BRIP1: variants seen among roughly 807,000 people sequenced by gnomAD.
BRIP1 encodes Fanconi anemia group J protein.
A neutral mutation model predicts 119.7 loss-of-function variants in BRIP1; 88 were observed. That is an observed-to-expected ratio of 0.74 (90% CI 0.62 to 0.88). The LOEUF is 0.88. Ranked by LOEUF, BRIP1 falls within the 40% of genes least tolerant of loss-of-function variation. The pLI is 0.00. For missense variants in BRIP1, 1,259 were observed against 1,455.4 expected, an observed-to-expected ratio of 0.87 and a Z score of 2.20; for synonymous variants, 443 against 496.5, an observed-to-expected ratio of 0.89 and a Z score of 1.43.
chr17:61,723,102 A>C (rs1268678505), intron 16 of BRIP1, among the ~76,000 whole-genome samples: 1 of 152,250 alleles, frequency 6.6e-6, no homozygotes, highest in Non-Finnish European at 1.5e-5. Context: ...AGGGTTAAGA[A>C]AAGGTGGAAA....
At chr17:61,721,437 T>C (rs1050806452) in intron 16 of BRIP1, among the ~76,000 whole-genome samples, 4 of 151,554 alleles carry the variant, frequency 2.6e-5, no homozygotes, top group African/African-American at 9.7e-5. Context: ...GCCCAGCTAA[T>C]TTTTTGTATT....
chr17:61,817,541 A>G (rs527660800), intron 6 of BRIP1, among the ~76,000 whole-genome samples: 2 of 152,364 alleles, frequency 1.3e-5, no homozygotes, highest in African/African-American at 4.8e-5. Flanking sequence ...GGTTATTATT[A>G]CATACAAGTC....
At position 61,846,731 on chromosome 17, in the gene BRIP1, A is replaced by G. The variant is rs1369584281; in HGVS notation, c.627+370T>C. 6.6e-6 allele frequency among the ~76,000 whole-genome samples: 1 copy of G among 152,132 alleles called. No individual in the cohort carries two copies. Among genetic ancestry groups the G allele is most frequent in the Non-Finnish European group, 1.5e-5 (1 of 68,024 alleles). ...TACAAAAATAATTTTCACCTCACAG[A>G]TCACTCCCCAAAAAAATCTCAATAT... On this transcript the variant is annotated intron_variant, in intron 6 of 19. Coordinates refer to ENST00000259008, the MANE Select transcript of BRIP1 (RefSeq NM_032043.3). This position sits in a 1 kb window ranked among gnomAD's most constrained non-coding sequence, Gnocchi z 4.3.
rs77948826 is a variant in BRIP1, at chr17:61,776,770, G to C, written c.1936-208C>G. On this transcript the variant is annotated intron_variant, in intron 13 of 19. Coordinates refer to ENST00000259008, the MANE Select transcript of BRIP1 (RefSeq NM_032043.3). The surrounding 1 kb of genome is among the most constrained non-coding windows in gnomAD (Gnocchi z 5.0). The stretch of plus-strand genomic sequence containing the variant: ...TTAGGCAGATCACTAAATTCTCTTA[G>C]AGTGAAAATTCTTTGAAAGCAAAAC... Among the ~76,000 whole-genome samples, 193 of 152,268 alleles carry C rather than the reference G, an allele frequency of 1.3e-3. No homozygotes were observed. The highest frequency in any genetic ancestry group is 2.4e-3 in the Non-Finnish European group (161 of 68,010).
chr17:61,829,380 A>C (rs1430733706), intron 6 of BRIP1, among the ~76,000 whole-genome samples: 1 of 152,114 alleles, frequency 6.6e-6, no homozygotes, highest in Non-Finnish European at 1.5e-5. Context: ...ATAATCTTAA[A>C]TGTGTATACA....
intron 6 of BRIP1, among the ~76,000 whole-genome samples, chr17:61,813,522 T>G (rs796482084): frequency 6.6e-6 from 1 of 152,078 alleles, no homozygotes; most frequent in African/African-American, 2.4e-5. Context: ...ATGTCCTAAT[T>G]TGAAGTGCTG....
rs549626552 is a variant in BRIP1, at chr17:61,860,488, C to T, written c.94-581G>A. ...CAGCCTGGCCAACACGGTGAAAACC[C>T]GTCTCTACTAAAAATCCAAAAATTA... On this transcript the variant is annotated intron_variant, in intron 2 of 19. Transcript: ENST00000259008. The surrounding 1 kb of genome is among the most constrained non-coding windows in gnomAD (Gnocchi z 4.1). Among the ~76,000 whole-genome samples the T allele has an allele frequency of 8.5e-5, 13 of 152,138 alleles. No individual in the cohort carries two copies. The highest frequency in any genetic ancestry group is 5.9e-4 in the Admixed American group (9 of 15,272).
At position 61,705,179 on chromosome 17, in the gene BRIP1, G is replaced by A. The variant is rs1018518505; in HGVS notation, c.2492+10772C>T. Among the ~76,000 whole-genome samples the A allele has an allele frequency of 1.7e-4, 26 of 151,998 alleles. No homozygotes were observed. The highest frequency in any genetic ancestry group is 5.8e-4 in the African/African-American group (24 of 41,404). On this transcript the variant is annotated intron_variant, in intron 17 of 19. Transcript: ENST00000259008. The surrounding 1 kb of genome is among the most constrained non-coding windows in gnomAD (Gnocchi z 5.0). ...ATTGTTTATCTCCCATTTATAAGTG[G>A]GAACATATGGTATTTGGTTTTCTGT...
Position 61,776,991 on chromosome 17 carries a change from T to C in BRIP1, c.1936-429A>G, listed in dbSNP as rs869312538. On this transcript the variant is annotated intron_variant, in intron 13 of 19. Transcript: ENST00000259008. This position sits in a 1 kb window ranked among gnomAD's most constrained non-coding sequence, Gnocchi z 5.0. ...CTCAAAAATGACAGGAACTACTCTTTCAAAAATTCATTGGTGCTCAAAGAT... is the reference window on the plus strand; with the variant it reads ...CTCAAAAATGACAGGAACTACTCTTCCAAAAATTCATTGGTGCTCAAAGAT... 3.9e-5 allele frequency among the ~76,000 whole-genome samples: 6 copies of C among 152,202 alleles called. No homozygotes were observed. The highest frequency in any genetic ancestry group is 4.1e-4 in the South Asian group (2 of 4,828).
At position 61,849,152 on chromosome 17, in the gene BRIP1, G is replaced by A. The variant is rs747604569; in HGVS notation, c.484C>T (p.Arg162Ter). The change falls in exon 5 of 20, where the codon CGA becomes TGA. Residue 162 changes from arginine to a stop codon, truncating the protein, a stop_gained. Transcript: ENST00000259008. LOFTEE classifies it high-confidence loss of function. ...ACCTGCTGTGTAGTTTCTAAGGGTC[G>A]AATTCTTTTCTTCTCTACTTGAAAA... ...DDFQVEKKRI[R>*]PLETTQQIRK... The A allele has an allele frequency of 1.1e-5, 17 of 1,613,260 alleles. No homozygotes were observed. The highest frequency in any genetic ancestry group is 1.6e-4 in the Middle Eastern group (1 of 6,078).
chr17:61,839,290 T>C (rs1022305372), intron 6 of BRIP1, among the ~76,000 whole-genome samples: 28 of 151,974 alleles, frequency 1.8e-4, no homozygotes, highest in Admixed American at 1.5e-3. Context: ...ACTAAAACTA[T>C]ACATTTTATA....
chr17:61,747,785 G>C (rs1343682821), intron 14 of BRIP1, among the ~76,000 whole-genome samples: 1 of 151,918 alleles, frequency 6.6e-6, no homozygotes, highest in Non-Finnish European at 1.5e-5. Context: ...ACCCAGGCTG[G>C]AGTGTAGTAA....
rs1426540585 is a variant in BRIP1 at position 61,807,458 on chromosome 17, T to C, written c.918+1009A>G. On this transcript the variant is annotated intron_variant, in intron 7 of 19. Coordinates refer to ENST00000259008, the MANE Select transcript of BRIP1 (RefSeq NM_032043.3). This position sits in a 1 kb window ranked among gnomAD's most constrained non-coding sequence, Gnocchi z 4.5. ...ACTACTTATACTTTATAATCTCGTTTGAATATCTGTTAAAGTATCTTTTGA... is the reference window on the plus strand; with the variant it reads ...ACTACTTATACTTTATAATCTCGTTCGAATATCTGTTAAAGTATCTTTTGA... Among the ~76,000 whole-genome samples the C allele has an allele frequency of 6.6e-6, 1 of 152,216 alleles. No individual in the cohort carries two copies. Among genetic ancestry groups the C allele is most frequent in the Non-Finnish European group, 1.5e-5 (1 of 68,012 alleles).
chr17:61,827,554 C>T lies in BRIP1; in HGVS notation c.628-18797G>A, dbSNP rs886557818. On this transcript the variant is annotated intron_variant, in intron 6 of 19. Transcript: ENST00000259008. This position sits in a 1 kb window ranked among gnomAD's most constrained non-coding sequence, Gnocchi z 5.8. Reference sequence around the variant, plus strand: ...GCTAGCCTGGCCAACATGGTGAAACCCCATCTCTATTAAAAATACAAAAAA... The same window carrying T: ...GCTAGCCTGGCCAACATGGTGAAACTCCATCTCTATTAAAAATACAAAAAA... Among the ~76,000 whole-genome samples the T allele has an allele frequency of 9.9e-5, 15 of 151,992 alleles. No individual in the cohort carries two copies. Among genetic ancestry groups the T allele is most frequent in the Admixed American group, 6.6e-4 (10 of 15,260 alleles).
Position 61,700,474 on chromosome 17 carries a change from T to C in BRIP1, c.2493-6962A>G, listed in dbSNP as rs1311899848. Among the ~76,000 whole-genome samples the C allele has an allele frequency of 1.3e-5, 2 of 152,222 alleles. No homozygotes were observed. Among genetic ancestry groups the C allele is most frequent in the African/African-American group, 4.8e-5 (2 of 41,466 alleles). On this transcript the variant is annotated intron_variant, in intron 17 of 19. Coordinates refer to ENST00000259008, the MANE Select transcript of BRIP1 (RefSeq NM_032043.3). This position sits in a 1 kb window ranked among gnomAD's most constrained non-coding sequence, Gnocchi z 4.1. The stretch of plus-strand genomic sequence containing the variant: ...AGGACAGTTTTGTTAGATATAGTAT[T>C]CTTGGTTGACAGTCATTTTCTTTCA...
At position 61,695,309 on chromosome 17, in the gene BRIP1, T is replaced by A. The variant is rs976851800; in HGVS notation, c.2493-1797A>T. On this transcript the variant is annotated intron_variant, in intron 17 of 19. Transcript: ENST00000259008. The surrounding 1 kb of genome is among the most constrained non-coding windows in gnomAD (Gnocchi z 4.3). ...AACCAGTTCACTGTAGATGTATGAA[T>A]TTGTTTATGGACCCTCAATTCTACC... is the stretch of plus-strand genomic sequence containing the variant. 1.3e-5 allele frequency among the ~76,000 whole-genome samples: 2 copies of A among 152,136 alleles called. No individual in the cohort carries two copies. The highest frequency in any genetic ancestry group is 4.8e-5 in the African/African-American group (2 of 41,456).
chr17:61,697,003 AGG>A (rs748286552), intron 17 of BRIP1, among the ~76,000 whole-genome samples: 25,985 of 121,388 alleles, frequency 0.21, 3,944 homozygotes, highest in Admixed American at 0.38. Context: ...AAAAAAAAAA[AGG>A]GGGGGGGAAG....
chr17:61,710,682 A>C lies in BRIP1; in HGVS notation c.2492+5269T>G, dbSNP rs2061756969. ...CGGTGGCTAGAGGTAGAGGATAAGGATGAAAAAGCAGGTATTACAGTTTTA... is the reference window on the plus strand; with the variant it reads ...CGGTGGCTAGAGGTAGAGGATAAGGCTGAAAAAGCAGGTATTACAGTTTTA... On this transcript the variant is annotated intron_variant, in intron 17 of 19. Transcript: ENST00000259008. The surrounding 1 kb of genome is among the most constrained non-coding windows in gnomAD (Gnocchi z 5.4). Among the ~76,000 whole-genome samples the C allele has an allele frequency of 6.6e-6, 1 of 152,344 alleles. No individual in the cohort carries two copies. The highest frequency in any genetic ancestry group is 2.1e-4 in the South Asian group (1 of 4,828).
rs1276697679 is a variant in BRIP1, at chr17:61,793,055, A to G, written c.1473+542T>C. On this transcript the variant is annotated intron_variant, in intron 10 of 19. Transcript: ENST00000259008. This position sits in a 1 kb window ranked among gnomAD's most constrained non-coding sequence, Gnocchi z 5.2. Reference sequence around the variant, plus strand: ...CTATTAATTTAAATAAGTAAATAGCAACAAAAAAAGAAAATATATTCTTAT... The same window carrying G: ...CTATTAATTTAAATAAGTAAATAGCGACAAAAAAAGAAAATATATTCTTAT... Among the ~76,000 whole-genome samples the G allele has an allele frequency of 6.6e-6, 1 of 152,168 alleles. No homozygotes were observed. The highest frequency in any genetic ancestry group is 1.5e-5 in the Non-Finnish European group (1 of 68,024).
Sources: gnomAD v4.1 joint callset for allele counts (sites outside exome capture counted in the v4.1 genomes callset) on GRCh38, gnomAD v4.1.1 for gene constraint, Gnocchi (gnomAD v3.1) non-coding constraint, MANE v1.5 for transcripts, NCBI Gene and HGNC (gene_info 2026-07-23, HGNC 2026-07-21) for gene names.